Variants in BICC1 observed in about 807,000 individuals in gnomAD.
BICC1 encodes BicC family RNA binding protein 1.
In BICC1, 43 loss-of-function variants were observed where a neutral mutation model predicts 111.0. The ratio of observed to expected loss-of-function variants is 0.39; its 90% confidence interval spans 0.30 to 0.50. The LOEUF is 0.50. Ranked by LOEUF, BICC1 falls within the 20% of genes least tolerant of loss-of-function variation. BICC1 has a pLI of 0.88. For missense variants in BICC1, 1,091 were observed against 1,203.2 expected, an observed-to-expected ratio of 0.91 and a Z score of 1.38; for synonymous variants, 467 against 434.4, an observed-to-expected ratio of 1.07 and a Z score of -0.93.
At position 58,789,697 on chromosome 10, in the gene BICC1, C is replaced by T. The variant is rs749785553; in HGVS notation, c.811C>T (p.Leu271=). 2 of 1,614,144 alleles carry T rather than the reference C, an allele frequency of 1.2e-6. No homozygotes were observed. The highest frequency in any genetic ancestry group is 2.2e-5 in the South Asian group (2 of 91,084). The change falls in exon 8 of 21, where the codon CTG becomes TTG. Residue 271 remains leucine (L), a synonymous_variant. Transcript: ENST00000373886. ...TSAVKEGTAM[L]LEHLAGSLAS... The stretch of plus-strand genomic sequence containing the variant: ...TTTCTCTTAGGAAGGAACTGCCATG[C>T]TGTTAGAACATCTTGCTGGGAGCTT...
intron 2 of BICC1, among the ~76,000 whole-genome samples, chr10:58,649,515 G>C (rs2132244310): frequency 6.6e-6 from 1 of 152,256 alleles, no homozygotes; most frequent in East Asian, 1.9e-4. Context: ...TGTTAGTGAA[G>C]TATGCAATGG....
At chr10:58,668,596 A>G (rs775874323) in intron 2 of BICC1, among the ~76,000 whole-genome samples, 3 of 152,120 alleles carry the variant, frequency 2.0e-5, no homozygotes, top group African/African-American at 7.2e-5. Context: ...GTGACTAGAA[A>G]TTATCTTATT....
chr10:58,647,068 TCTTC>T (rs1838291374), intron 2 of BICC1, among the ~76,000 whole-genome samples: 2 of 152,194 alleles, frequency 1.3e-5, no homozygotes, highest in Non-Finnish European at 2.9e-5. Flanking sequence ...TTTCTAATCA[TCTTC>T]CTATGGTAGA....
At chr10:58,800,685 A>G (rs2132869969) in intron 13 of BICC1, among the ~76,000 whole-genome samples, 2 of 152,262 alleles carry the variant, frequency 1.3e-5, no homozygotes, top group Middle Eastern at 6.8e-3. Context: ...CCAAATCTTT[A>G]AAATATATGC....
chr10:58,566,343 T>TAC (rs949137035), intron 1 of BICC1, among the ~76,000 whole-genome samples: 7 of 151,994 alleles, frequency 4.6e-5, no homozygotes, highest in African/African-American at 1.7e-4. Context: ...TATATATACA[T>TAC]ACACATATAT....
rs527879157 is a variant in BICC1, at chr10:58,778,257, A to G, written c.308-6744A>G. Reference sequence around the variant, plus strand: ...TAATTTAATTTAATAAGATACATAAAGATGATTTTATGCTTTATCCTAAAG... The same window carrying G: ...TAATTTAATTTAATAAGATACATAAGGATGATTTTATGCTTTATCCTAAAG... On this transcript the variant is annotated intron_variant, in intron 3 of 20. Transcript: ENST00000373886. 5.9e-5 allele frequency among the ~76,000 whole-genome samples: 9 copies of G among 152,210 alleles called. No individual in the cohort carries two copies. The South Asian group carries it at 1.7e-3, about 28-fold the overall frequency.
chr10:58,827,916 C>T (rs555707584), intron 20 of BICC1, among the ~76,000 whole-genome samples: 3 of 152,258 alleles, frequency 2.0e-5, no homozygotes, highest in Non-Finnish European at 2.9e-5. Flanking sequence ...ACCTACTCAA[C>T]GTGAAGACAA....
At chr10:58,601,355 T>C (rs531395998) in intron 1 of BICC1, among the ~76,000 whole-genome samples, 1 of 151,690 alleles carries the variant, frequency 6.6e-6, no homozygotes, top group Non-Finnish European at 1.5e-5. Flanking sequence ...TTTTCTTTTT[T>C]ATGCAGTTTA....
At chr10:58,788,984 C>T (rs1271324267) in intron 6 of BICC1, among the ~76,000 whole-genome samples, 1 of 151,968 alleles carries the variant, frequency 6.6e-6, no homozygotes, top group Non-Finnish European at 1.5e-5. Context: ...GCCACTAATT[C>T]AGGAAGCCAA....
At chr10:58,726,543 G>T (rs1841112424) in intron 3 of BICC1, among the ~76,000 whole-genome samples, 2 of 152,264 alleles carry the variant, frequency 1.3e-5, no homozygotes, top group East Asian at 1.9e-4. Context: ...CACTGCCGTT[G>T]TATACTCAAG....
intron 2 of BICC1, among the ~76,000 whole-genome samples, chr10:58,685,276 T>C (rs187848372): frequency 1.3e-5 from 2 of 152,248 alleles, no homozygotes; most frequent in South Asian, 4.2e-4. Flanking sequence ...TGCTGAGGAG[T>C]GCTTTACTTC....
chr10:58,753,269 A>G (rs1842041794), intron 3 of BICC1, among the ~76,000 whole-genome samples: 1 of 152,088 alleles, frequency 6.6e-6, no homozygotes, highest in Non-Finnish European at 1.5e-5. Context: ...ACCAGGCTTA[A>G]GCGGTTCCCC....
chr10:58,679,085 A>G (rs995379953), intron 2 of BICC1, among the ~76,000 whole-genome samples: 3 of 152,232 alleles, frequency 2.0e-5, no homozygotes, highest in Non-Finnish European at 4.4e-5. Context: ...AGGAAGCAGG[A>G]AAGATCTAAA....
intron 1 of BICC1, among the ~76,000 whole-genome samples, chr10:58,580,861 A>G (rs1844261860): frequency 6.6e-6 from 1 of 152,186 alleles, no homozygotes; most frequent in Admixed American, 6.5e-5. Context: ...ATATCAGAGG[A>G]ATTTCATGTT....
chr10:58,535,848 A>T (rs1286370504), intron 1 of BICC1, among the ~76,000 whole-genome samples: 1 of 151,564 alleles, frequency 6.6e-6, no homozygotes, highest in East Asian at 1.9e-4. Flanking sequence ...TAACACAAGG[A>T]TTCTTATAGA....
chr10:58,518,580 A>T (rs12242287), intron 1 of BICC1, among the ~76,000 whole-genome samples: 2 of 115,786 alleles, frequency 1.7e-5, no homozygotes, highest in African/African-American at 3.0e-5. Context: ...TCCTTTGTGT[A>T]TGTGTGTGTT....
At chr10:58,701,690 A>G (rs2893782) in intron 2 of BICC1, among the ~76,000 whole-genome samples, 145,617 of 152,234 alleles carry the variant, frequency 0.96, 70,005 homozygotes, top group Middle Eastern at 1. Flanking sequence ...TACAGGAATC[A>G]TGTTTGGTGT....
At chr10:58,587,285 C>G (rs1306189173) in intron 1 of BICC1, among the ~76,000 whole-genome samples, 1 of 152,086 alleles carries the variant, frequency 6.6e-6, no homozygotes, top group Non-Finnish European at 1.5e-5. Flanking sequence ...ATTTTCCTGT[C>G]TTATTGATCA....
intron 2 of BICC1, among the ~76,000 whole-genome samples, chr10:58,639,151 T>C (rs540123137): frequency 3.9e-5 from 6 of 152,294 alleles, no homozygotes; most frequent in African/African-American, 1.2e-4. Context: ...AGTCACCATG[T>C]TGTATAATAG....
Sources: allele counts gnomAD v4.1 joint callset (sites outside exome capture counted in the v4.1 genomes callset), GRCh38; gene constraint gnomAD v4.1.1; transcripts MANE v1.5; gene names NCBI Gene and HGNC (gene_info 2026-07-23, HGNC 2026-07-21).